TNS3: variants seen among roughly 807,000 people sequenced by gnomAD.
TNS3 encodes tensin 3.
TNS3 carries 45 observed loss-of-function variants against 140.9 expected under a neutral mutation model. That is an observed-to-expected ratio of 0.32 (90% confidence interval 0.25 to 0.41). TNS3 has a LOEUF of 0.41. Ranked by LOEUF, TNS3 falls within the 10% of genes least tolerant of loss-of-function variation. The pLI is 1.00. For missense variants in TNS3, 1,716 were observed against 1,906.7 expected (o/e 0.90, Z 1.86); for synonymous variants, 815 against 788.4 (o/e 1.03, Z -0.56).
chr7:47,389,115 A>AGG (rs1792337783), intron 16 of TNS3, among the ~76,000 whole-genome samples: 2 of 5,388 alleles, frequency 3.7e-4, no homozygotes, highest in Admixed American at 3.2e-3. Context: ...GAAGCAGAAG[A>AGG]AGAAGAAGAA....
intron 1 of TNS3, among the ~76,000 whole-genome samples, chr7:47,544,282 A>G (rs1799865866): frequency 6.6e-6 from 1 of 152,000 alleles, no homozygotes; most frequent in Non-Finnish European, 1.5e-5. Flanking sequence ...CCCAAAAGAT[A>G]AACAAGGGCC....
intron 4 of TNS3, among the ~76,000 whole-genome samples, chr7:47,475,133 C>T (rs1425105760): frequency 6.6e-6 from 1 of 152,178 alleles, no homozygotes; most frequent in Non-Finnish European, 1.5e-5. Flanking sequence ...CACAAAACAC[C>T]TCACACACAC....
At position 47,277,891 on chromosome 7, in the gene TNS3, G is replaced by GA; in HGVS notation, c.*184dup. 1.3e-6 allele frequency: 1 copy of GA among 749,950 alleles called. No individual in the cohort carries two copies. The highest frequency in any genetic ancestry group is 2.3e-6 in the Non-Finnish European group (1 of 431,844). 46.5% of individuals were successfully genotyped at this position (749,950 alleles called of 1,614,324 possible). A position where few individuals can be genotyped will look rare whatever the true frequency, so the allele number is the denominator to read the frequency against. Reference sequence around the variant, plus strand: ...GATGTGTCAGATAAGTCACTTTCAGGAAAGGCCAATTCACGGTGATGTTGT... The same window carrying GA: ...GATGTGTCAGATAAGTCACTTTCAGGAAAAGGCCAATTCACGGTGATGTTGT... On this transcript the variant is annotated 3_prime_UTR_variant, in exon 31 of 31. Transcript: ENST00000311160.
chr7:47,557,147 A>G, intron 1 of TNS3: 1 of 456,794 alleles, frequency 2.2e-6, no homozygotes, highest in Non-Finnish European at 4.4e-6. Flanking sequence ...ACCTTGGACA[A>G]GTCCTGCAAA....
chr7:47,452,471 A>G (rs760109691), intron 4 of TNS3, among the ~76,000 whole-genome samples: 14 of 152,184 alleles, frequency 9.2e-5, no homozygotes, highest in Non-Finnish European at 1.5e-4. Flanking sequence ...TCATCTTGTC[A>G]TTTTACCTTC....
At chr7:47,283,952 G>C (rs1184433103) in intron 27 of TNS3, 87 bp from the exon 28 acceptor site, 1 of 1,322,498 alleles carries the variant, frequency 7.6e-7, no homozygotes, top group Non-Finnish European at 1.0e-6. Context: ...CTGATGTGCA[G>C]ACTGGGTTTA....
intron 16 of TNS3, among the ~76,000 whole-genome samples, chr7:47,394,926 C>A (rs960935152): frequency 6.6e-6 from 1 of 152,230 alleles, no homozygotes; most frequent in African/African-American, 2.4e-5. Flanking sequence ...AGCGGGGCAC[C>A]CAATGAGGGA....
At chr7:47,398,618 A>G (rs148704250) in intron 15 of TNS3, among the ~76,000 whole-genome samples, 3,804 of 152,320 alleles carry the variant, frequency 0.025, 85 homozygotes, top group South Asian at 0.079. Context: ...GATAAAATCT[A>G]GCATCCCTTT....
intron 17 of TNS3, among the ~76,000 whole-genome samples, chr7:47,364,277 ATTT>A (rs10566032): frequency 0.011 from 1,198 of 110,644 alleles, 16 homozygotes; most frequent in African/African-American, 0.041. Context: ...GTAAGCAATA[ATTT>A]TTTTTTTTTT....
At chr7:47,449,869 G>A (rs368510131) in intron 4 of TNS3, among the ~76,000 whole-genome samples, 13 of 152,210 alleles carry the variant, frequency 8.5e-5, no homozygotes, top group African/African-American at 3.1e-4. Context: ...GCCTCCCAAA[G>A]TGTTAGGATT....
intron 1 of TNS3, among the ~76,000 whole-genome samples, chr7:47,543,703 T>G (rs1336501058): frequency 6.6e-6 from 1 of 152,026 alleles, no homozygotes; most frequent in Non-Finnish European, 1.5e-5. Context: ...TGAATGAGAG[T>G]CCACTGGCCA....
At chr7:47,557,726 A>ATT (rs1188412628) in intron 1 of TNS3, among the ~76,000 whole-genome samples, 1 of 152,192 alleles carries the variant, frequency 6.6e-6, no homozygotes, top group Non-Finnish European at 1.5e-5. Flanking sequence ...CATTTTAACC[A>ATT]TCACCACCAC....
chr7:47,325,739 G>A (rs185013691), intron 20 of TNS3, among the ~76,000 whole-genome samples: 8 of 152,262 alleles, frequency 5.3e-5, no homozygotes, highest in East Asian at 1.9e-4. Flanking sequence ...ACAGGACTTC[G>A]AGCCATCCCA....
intron 1 of TNS3, among the ~76,000 whole-genome samples, chr7:47,541,597 A>T (rs1383805284): frequency 6.6e-6 from 1 of 152,168 alleles, no homozygotes; most frequent in Non-Finnish European, 1.5e-5. Flanking sequence ...ATAATATTGG[A>T]TTATGACCCA....
chr7:47,437,887 A>G (rs1260815671), intron 6 of TNS3, among the ~76,000 whole-genome samples: 1 of 151,044 alleles, frequency 6.6e-6, no homozygotes, highest in East Asian at 1.9e-4. Context: ...GAGGTGGTAC[A>G]TGGTGGGGAA....
At chr7:47,473,440 A>C (rs1797040834) in intron 4 of TNS3, among the ~76,000 whole-genome samples, 1 of 152,224 alleles carries the variant, frequency 6.6e-6, no homozygotes, top group Non-Finnish European at 1.5e-5. Flanking sequence ...GATGAGACAC[A>C]CAGAATCTGG....
chr7:47,439,795 T>C, intron 5 of TNS3, 137 bp from the exon 6 acceptor site: 1 of 834,018 alleles, frequency 1.2e-6, no homozygotes, highest in Non-Finnish European at 1.9e-6. Flanking sequence ...CTACGGGAAT[T>C]TACAGTGTGT....
rs767651891 is a variant in TNS3, at chr7:47,346,289, A to G, written c.2349T>C (p.Asp783=). 2 of 1,614,190 alleles carry G rather than the reference A, an allele frequency of 1.2e-6. No individual in the cohort carries two copies. Among genetic ancestry groups the G allele is most frequent in the Non-Finnish European group, 1.7e-6 (2 of 1,180,028 alleles). ...RKLSLGQYDN[D]AGGQLPFSKC... ...TGGAGAAGGGCAGCTGCCCCCCAGC[A>G]TCGTTGTCGTACTGCCCCAGGCTCA... Residue 783 remains aspartate (D), a synonymous_variant, in exon 18 of 31, where the codon GAT becomes GAC. Transcript: ENST00000311160.
intron 4 of TNS3, among the ~76,000 whole-genome samples, chr7:47,476,220 C>G (rs991082938): frequency 3.9e-5 from 6 of 152,150 alleles, no homozygotes; most frequent in African/African-American, 1.2e-4. Context: ...AAAGTGGAGC[C>G]CAGAAAAGTG....
Sources: gnomAD v4.1 joint callset for allele counts (sites outside exome capture counted in the v4.1 genomes callset) on GRCh38, gnomAD v4.1.1 for gene constraint, MANE v1.5 for transcripts, NCBI Gene and HGNC (gene_info 2026-07-23, HGNC 2026-07-21) for gene names.